The following NBDY variants were observed in gnomAD, a reference collection of about 807,000 sequenced individuals.
NBDY encodes P-body dissociating protein.
chrX:56,785,510 T>A (rs1602661567), intron 2 of NBDY, among the ~76,000 whole-genome samples: 2 of 111,371 alleles, frequency 1.8e-5, no homozygotes, highest in Admixed American at 1.9e-4. Context: ...TAGGCAATTC[T>A]CAGGGGGCAG....
At chrX:56,792,247 C>T (rs1287568250) in intron 2 of NBDY, among the ~76,000 whole-genome samples, 1 of 111,378 alleles carries the variant, frequency 9.0e-6, no homozygotes, top group Non-Finnish European at 1.9e-5. Context: ...GGTGAACGCA[C>T]CCTTACCTCG....
In NBDY at chrX:56,814,745, G is replaced by A. The variant is rs1043807431; in HGVS notation, c.*167-2575G>A. On this transcript the variant is annotated intron_variant, in intron 2 of 2. Transcript: ENST00000374922. ...CTTGACCTCGTGATCTGCTCACCTCGGCCTCCCAAAGTGCTGGGATTACAG... is the reference window on the plus strand; with the variant it reads ...CTTGACCTCGTGATCTGCTCACCTCAGCCTCCCAAAGTGCTGGGATTACAG... Among the ~76,000 whole-genome samples, 4 of 110,510 alleles carry A rather than the reference G, an allele frequency of 3.6e-5. No homozygotes were observed. In the South Asian group the frequency reaches 1.2e-3, roughly 32 times the overall value.
intron 2 of NBDY, among the ~76,000 whole-genome samples, chrX:56,793,098 G>A (rs1398176366): frequency 8.9e-6 from 1 of 111,858 alleles, no homozygotes; most frequent in African/African-American, 3.3e-5. Context: ...AGTGTCCCCC[G>A]TGAGGGAGAC....
intron 2 of NBDY, among the ~76,000 whole-genome samples, chrX:56,752,578 G>A (rs2069591082): frequency 9.0e-6 from 1 of 111,228 alleles, no homozygotes; most frequent in South Asian, 3.8e-4. Flanking sequence ...CAAGAGGAAG[G>A]CAAGACTTCA....
chrX:56,808,366 G>A (rs778718306), intron 2 of NBDY, among the ~76,000 whole-genome samples: 11 of 111,696 alleles, frequency 9.8e-5, no homozygotes, highest in African/African-American at 3.6e-4. Context: ...GGTAGAATTC[G>A]TCTGTGAATC....
intron 2 of NBDY, among the ~76,000 whole-genome samples, chrX:56,737,737 G>T (rs184743255): frequency 4.5e-5 from 5 of 111,466 alleles, no homozygotes; most frequent in African/African-American, 1.3e-4. Context: ...AGTTATTATT[G>T]AATTTTATAT....
At chrX:56,762,424 G>A (rs1409312821) in intron 2 of NBDY, among the ~76,000 whole-genome samples, 1 of 110,080 alleles carries the variant, frequency 9.1e-6, no homozygotes, top group Non-Finnish European at 1.9e-5. Context: ...CTGCTCCTTG[G>A]TAATGGGGGA....
At chrX:56,790,412 A>G (rs1440201159) in intron 2 of NBDY, among the ~76,000 whole-genome samples, 1 of 111,773 alleles carries the variant, frequency 8.9e-6, no homozygotes, top group Non-Finnish European at 1.9e-5. Flanking sequence ...AGCAGTGTCA[A>G]TCTCGTGTGT....
intron 2 of NBDY, among the ~76,000 whole-genome samples, chrX:56,735,114 A>G (rs1204594747): frequency 8.9e-6 from 1 of 112,168 alleles, no homozygotes; most frequent in Non-Finnish European, 1.9e-5. Context: ...TTCACACAGG[A>G]CAGCTTTTGA....
At chrX:56,805,904 G>A (rs997209959) in intron 2 of NBDY, among the ~76,000 whole-genome samples, 3 of 111,077 alleles carry the variant, frequency 2.7e-5, no homozygotes, top group Non-Finnish European at 3.8e-5. Context: ...ACGTGCCATG[G>A]TGGTTTGCTG....
chrX:56,766,963 T>C (rs1313272411), intron 2 of NBDY, among the ~76,000 whole-genome samples: 1 of 112,682 alleles, frequency 8.9e-6, no homozygotes, highest in African/African-American at 3.2e-5. Flanking sequence ...CCTCAGGCCC[T>C]GTGGCTGCCT....
At chrX:56,741,094 T>G (rs1282744568) in intron 2 of NBDY, among the ~76,000 whole-genome samples, 1 of 111,435 alleles carries the variant, frequency 9.0e-6, no homozygotes, top group East Asian at 2.8e-4. Flanking sequence ...ATGTGATGTT[T>G]GTCTTTCTGT....
At chrX:56,744,492 T>C (rs1366211096) in intron 2 of NBDY, among the ~76,000 whole-genome samples, 1 of 111,816 alleles carries the variant, frequency 8.9e-6, no homozygotes, top group Non-Finnish European at 1.9e-5. Context: ...TCATTCACTT[T>C]TTTCTTTCTT....
intron 2 of NBDY, among the ~76,000 whole-genome samples, chrX:56,735,790 G>A (rs1602647769): frequency 9.0e-6 from 1 of 111,662 alleles, no homozygotes; most frequent in Admixed American, 9.5e-5. Context: ...TAGACAGTCC[G>A]TCTTTTCTGC....
intron 2 of NBDY, among the ~76,000 whole-genome samples, chrX:56,760,920 G>A (rs1046187914): frequency 2.6e-4 from 29 of 111,331 alleles, no homozygotes; most frequent in African/African-American, 8.9e-4. Context: ...ACTGGGGAAG[G>A]TGTGAGGGGC....
chrX:56,764,028 C>T (rs1445270663), intron 2 of NBDY, among the ~76,000 whole-genome samples: 1 of 112,143 alleles, frequency 8.9e-6, no homozygotes, highest in Non-Finnish European at 1.9e-5. Flanking sequence ...CATGGAGCCC[C>T]CAGGCTGAAG....
chrX:56,734,008 T>C (rs1211992835), intron 2 of NBDY, among the ~76,000 whole-genome samples: 1 of 112,415 alleles, frequency 8.9e-6, no homozygotes, highest in Non-Finnish European at 1.9e-5. Flanking sequence ...GTTAAAGTTA[T>C]TGCAGAGTTA....
chrX:56,802,008 ACACACAC>A (rs2069825492), intron 2 of NBDY, among the ~76,000 whole-genome samples: 1 of 104,967 alleles, frequency 9.5e-6, no homozygotes, highest in African/African-American at 3.4e-5. Flanking sequence ...ACACACACAC[ACACACAC>A]AAATCCTCAC....
At chrX:56,735,528 TTAACA>T (rs2069483733) in intron 2 of NBDY, among the ~76,000 whole-genome samples, 1 of 111,837 alleles carries the variant, frequency 8.9e-6, no homozygotes, top group East Asian at 2.8e-4. Context: ...GCTTTAAACA[TTAACA>T]GCATTCATAA....
Sources: allele counts gnomAD v4.1 joint callset (sites outside exome capture counted in the v4.1 genomes callset), GRCh38; gene constraint gnomAD v4.1.1; transcripts MANE v1.5; gene names NCBI Gene and HGNC (gene_info 2026-07-23, HGNC 2026-07-21).